Variants in ZNF329 observed in about 807,000 individuals in gnomAD.
ZNF329 encodes zinc finger protein 329.
A neutral mutation model predicts 26.6 loss-of-function variants in ZNF329; 15 were observed. The observed-to-expected ratio is 0.56, with a 90% CI of 0.38 to 0.87. The LOEUF is 0.87. ZNF329 is among the 40% of genes least tolerant of loss of function. The pLI is 0.00. For missense variants in ZNF329, 651 were observed against 651.9 expected, an observed-to-expected ratio of 1.00 and a Z score of 0.02; for synonymous variants, 239 against 233.5, an observed-to-expected ratio of 1.02 and a Z score of -0.21.
At chr19:58,152,878 T>C (rs2075483364), upstream of ZNF329, among the ~76,000 whole-genome samples, 1 of 152,056 alleles carries the variant, frequency 6.6e-6, no homozygotes, top group African/African-American at 2.4e-5. Context: ...CAGGCACCCT[T>C]TATTAGATAC....
intron 3 of ZNF329, among the ~76,000 whole-genome samples, chr19:58,136,145 C>T (rs1254228165): frequency 1.3e-5 from 2 of 151,278 alleles, no homozygotes; most frequent in Non-Finnish European, 2.9e-5. Context: ...GCAGGAGAAT[C>T]GCTTGAACCT....
upstream of ZNF329, among the ~76,000 whole-genome samples, chr19:58,152,321 G>A (rs1174012062): frequency 6.6e-6 from 1 of 151,622 alleles, no homozygotes; most frequent in African/African-American, 2.4e-5. Context: ...CCTGAGGTCA[G>A]GAGTTCAAGA....
chr19:58,152,606 C>T (rs2075477091), upstream of ZNF329, among the ~76,000 whole-genome samples: 1 of 152,050 alleles, frequency 6.6e-6, no homozygotes, highest in Non-Finnish European at 1.5e-5. Context: ...AACTGTAATC[C>T]CAGCACTTTG....
chr19:58,153,914 G>A (rs1471906657), upstream of ZNF329, among the ~76,000 whole-genome samples: 1 of 151,660 alleles, frequency 6.6e-6, no homozygotes, highest in Non-Finnish European at 1.5e-5. Flanking sequence ...TTTTACCCAG[G>A]CTGCTCTCAA....
intron 3 of ZNF329, among the ~76,000 whole-genome samples, chr19:58,139,158 A>G (rs1431132293): frequency 6.6e-6 from 1 of 152,140 alleles, no homozygotes; most frequent in Non-Finnish European, 1.5e-5. Flanking sequence ...CGCCTTGAGG[A>G]ACAAAAGGAA....
chr19:58,131,960 T>G (rs1419937994), intron 3 of ZNF329, among the ~76,000 whole-genome samples: 1 of 149,020 alleles, frequency 6.7e-6, no homozygotes, highest in Non-Finnish European at 1.5e-5. Context: ...GAGGCAGAGC[T>G]TGCAGTGAGC....
chr19:58,145,351 T>C (rs2075285875), intron 1 of ZNF329, among the ~76,000 whole-genome samples: 2 of 129,950 alleles, frequency 1.5e-5, no homozygotes, highest in African/African-American at 3.1e-5. Context: ...AGACAGTGCC[T>C]CACTCTGTCA....
intron 3 of ZNF329, among the ~76,000 whole-genome samples, chr19:58,136,028 C>T (rs950465931): frequency 1.3e-5 from 2 of 151,916 alleles, no homozygotes; most frequent in African/African-American, 4.8e-5. Context: ...GTCAGGAGTT[C>T]AAGACCAGCC....
chr19:58,136,336 T>C (rs184941116), intron 3 of ZNF329, among the ~76,000 whole-genome samples: 4 of 152,010 alleles, frequency 2.6e-5, no homozygotes, highest in East Asian at 3.9e-4. Context: ...ATGCAGCTAA[T>C]AGTTCCTAGA....
rs1372201277 is a variant in ZNF329, at chr19:58,150,005, G to A, written c.-208+747C>T. Among the ~76,000 whole-genome samples, 5 of 152,210 alleles carry A rather than the reference G, an allele frequency of 3.3e-5. No homozygotes were observed. In the South Asian group the frequency reaches 8.3e-4, roughly 25 times the overall value. ...AAGGATGGACAGAAGGAAAGATAAG[G>A]GATACAGTAAGTTCAGCAGACGTTA... On this transcript the variant is annotated intron_variant, in intron 1 of 3. Coordinates refer to ENST00000598312, the MANE Select transcript of ZNF329 (RefSeq NM_024620.4).
rs748150893 is a variant in ZNF329, at chr19:58,127,968, C to T, written c.1536G>A (p.Arg512=). Residue 512 remains arginine (R), a synonymous_variant, in exon 4 of 4, where the codon CGG becomes CGA. Coordinates refer to ENST00000598312, the MANE Select transcript of ZNF329 (RefSeq NM_024620.4). ...GGAACATTTTTCCACACTGAGGACA[C>T]CGGCTGGGACCCTCCCTGCTATGGA... ...QRLHSREGPS[R]CPQCGKMFQK... 1 of 1,613,962 alleles carries T rather than the reference C, an allele frequency of 6.2e-7. No individual in the cohort carries two copies. Among genetic ancestry groups the T allele is most frequent in the South Asian group, 1.1e-5 (1 of 91,074 alleles).
In ZNF329 at chr19:58,126,624, A is replaced by C. The variant is rs1010960857; in HGVS notation, c.*1254T>G. On this transcript the variant is annotated 3_prime_UTR_variant, in exon 4 of 4. Transcript: ENST00000598312. ...TAAAGCAACAAACCACATCTGTTAG[A>C]AGCAGCCCTTTCCATCTTAGCACAA... 2.0e-5 allele frequency: 3 copies of C among 152,206 alleles called. No individual in the cohort carries two copies. Among genetic ancestry groups the C allele is most frequent in the Non-Finnish European group, 4.4e-5 (3 of 68,038 alleles). 9.4% of individuals were successfully genotyped at this position (152,206 alleles called of 1,614,324 possible). A position where few individuals can be genotyped will look rare whatever the true frequency, so the allele number is the denominator to read the frequency against.
intron 3 of ZNF329, among the ~76,000 whole-genome samples, chr19:58,134,240 G>T (rs1600062421): frequency 6.6e-6 from 1 of 152,250 alleles, no homozygotes; most frequent in East Asian, 1.9e-4. Context: ...AACACAAAAT[G>T]ATCCAGCCCC....
chr19:58,142,129 T>C (rs114124572), intron 3 of ZNF329, among the ~76,000 whole-genome samples: 2,347 of 152,212 alleles, frequency 0.015, 49 homozygotes, highest in African/African-American at 0.052. Flanking sequence ...ACAAGCCACA[T>C]ACAAAAGACC....
chr19:58,147,809 G>A lies in ZNF329; in HGVS notation c.-208+2943C>T, dbSNP rs1458865271. On this transcript the variant is annotated intron_variant, in intron 1 of 3. Transcript: ENST00000598312. ...CCCCACCCGGCCAGCCGCCCCGTCC[G>A]GGAGGTGAGGGGCGCCTCTGCCCAG... is the stretch of plus-strand genomic sequence containing the variant. Among the ~76,000 whole-genome samples, 104 of 149,374 alleles carry A rather than the reference G, an allele frequency of 7.0e-4. 2 individuals are homozygous for A. The highest frequency in any genetic ancestry group is 2.3e-3 in the African/African-American group (90 of 39,374).
chr19:58,141,070 G>A (rs555103032), intron 3 of ZNF329, among the ~76,000 whole-genome samples: 5 of 151,960 alleles, frequency 3.3e-5, no homozygotes, highest in East Asian at 1.9e-4. Flanking sequence ...TGGCCAGGCT[G>A]GTCCTAAACT....
At chr19:58,135,128 T>G (rs1268665570) in intron 3 of ZNF329, among the ~76,000 whole-genome samples, 1 of 152,168 alleles carries the variant, frequency 6.6e-6, no homozygotes, top group Non-Finnish European at 1.5e-5. Flanking sequence ...TGTTTAATTT[T>G]TATAATGGGG....
At chr19:58,148,841 C>T (rs2075386734) in intron 1 of ZNF329, among the ~76,000 whole-genome samples, 1 of 152,186 alleles carries the variant, frequency 6.6e-6, no homozygotes, top group South Asian at 2.1e-4. Context: ...ATCACACCTG[C>T]CTCTGCAACA....
intron 1 of ZNF329, among the ~76,000 whole-genome samples, chr19:58,144,833 C>A (rs1284738215): frequency 6.9e-6 from 1 of 145,416 alleles, no homozygotes; most frequent in East Asian, 2.0e-4. Flanking sequence ...TGCCATCACA[C>A]CTGGATAATT....
Sources: gnomAD v4.1 joint callset for allele counts (sites outside exome capture counted in the v4.1 genomes callset) on GRCh38, gnomAD v4.1.1 for gene constraint, MANE v1.5 for transcripts, NCBI Gene and HGNC (gene_info 2026-07-23, HGNC 2026-07-21) for gene names.